The following GPANK1 variants were observed in gnomAD, a reference collection of about 807,000 sequenced individuals.
The protein encoded by GPANK1 is G patch domain and ankyrin repeat-containing protein 1.
Under a neutral mutation model 24.0 loss-of-function variants are expected in GPANK1, and 22 were observed. The ratio of observed to expected loss-of-function variants is 0.92; its 90% CI spans 0.66 to 1.31. The LOEUF is 1.31. GPANK1 is among the 50% of genes most tolerant of loss of function. The probability of loss-of-function intolerance (pLI) is 0.00; values close to 1 mark genes in which losing one functional copy is unlikely to be tolerated. For synonymous variants in GPANK1, 174 were observed against 177.4 expected (o/e 0.98, Z 0.15); for missense variants, 469 against 453.5 (o/e 1.03, Z -0.31).
At chr6:31,665,616 C>T (rs1801571179), upstream of GPANK1, 4 of 1,041,598 alleles carry the variant, frequency 3.8e-6, no homozygotes, top group South Asian at 4.1e-5. Flanking sequence ...ACAGTATGCC[C>T]GTCAAGGGTC....
chr6:31,665,166 C>G (rs897338580), upstream of GPANK1: 1 of 478,766 alleles, frequency 2.1e-6, no homozygotes, highest in East Asian at 3.4e-5. Flanking sequence ...AGTAAACGAG[C>G]AAAGCTCCGC....
Position 31,661,711 on chromosome 6 carries a change from G to GA in GPANK1, c.*554dup, listed in dbSNP as rs1172850377. ...GCGAAACTGCATCTCAAAAAAAAAA[G>GA]AAAAAAATTGATAACATGGCACTTT... On this transcript the variant is annotated 3_prime_UTR_variant, in exon 3 of 3. Coordinates refer to ENST00000375896, the MANE Select transcript of GPANK1 (RefSeq NM_033177.4). The GA allele has an allele frequency of 1.2e-5, 2 of 161,478 alleles. No individual in the cohort carries two copies. Among genetic ancestry groups the GA allele is most frequent in the Non-Finnish European group, 2.7e-5 (2 of 73,948 alleles). 10.0% of individuals were successfully genotyped at this position (161,478 alleles called of 1,614,324 possible).
chr6:31,664,669 C>A, intron 1 of GPANK1, 92 bp from the exon 2 acceptor site: 1 of 585,862 alleles, frequency 1.7e-6, no homozygotes, highest in Non-Finnish European at 3.0e-6. Context: ...GGGAGAGAGA[C>A]TTTGCGTAAA....
chr6:31,663,724 C>T, intron 2 of GPANK1, 129 bp downstream of exon 2: 1 of 1,393,042 alleles, frequency 7.2e-7, no homozygotes, highest in Non-Finnish European at 9.5e-7. Flanking sequence ...CTTGACTATA[C>T]TACCCTGTCA....
Position 31,664,031 on chromosome 6 carries a change from C to A in GPANK1, c.448G>T (p.Ala150Ser). Residue 150 changes from alanine to serine, a missense_variant, in exon 2 of 3, where the codon GCT becomes TCT. Physicochemically the swap from Ala to Ser is moderately conservative, Grantham distance 99. Coordinates refer to ENST00000375896, the MANE Select transcript of GPANK1 (RefSeq NM_033177.4). ...DAFWWTPLMC[A>S]ARAGQGAAVS... ...GCTGCCCCCTGGCCCGCTCGAGCAG[C>A]ACACATCAGTGGGGTCCACCAGAAG... is the stretch of plus-strand genomic sequence containing the variant. 6.2e-7 allele frequency: 1 copy of A among 1,614,222 alleles called. No homozygotes were observed. The highest frequency in any genetic ancestry group is 8.5e-7 in the Non-Finnish European group (1 of 1,180,042).
In GPANK1 at chr6:31,664,076, TC is replaced by T. The variant is rs1489472235; in HGVS notation, c.402del (p.Asn135IlefsTer13). 3.1e-6 allele frequency: 5 copies of T among 1,614,028 alleles called. No individual in the cohort carries two copies. The highest frequency in any genetic ancestry group is 3.4e-6 in the Non-Finnish European group (4 of 1,179,984). On this transcript the variant is annotated frameshift_variant, in exon 2 of 3. Coordinates refer to ENST00000375896, the MANE Select transcript of GPANK1 (RefSeq NM_033177.4). LOFTEE classifies it high-confidence loss of function. ...CAGAAGGCATCCCGGGCGTTGATATTCCCCCCAGCTCCTCCTGCCTCATGCG... is the reference window on the plus strand; with the variant it reads ...CAGAAGGCATCCCGGGCGTTGATATTCCCCCAGCTCCTCCTGCCTCATGCG... ...LEPHEAGGAGGNINARDAFWW... is the reference protein window; with the variant it reads ...LEPHEAGGAGXNINARDAFWW...
rs1419993287 is a variant in GPANK1 at position 31,662,132 on chromosome 6, C to T, written c.*134G>A. 1.1e-5 allele frequency: 6 copies of T among 532,542 alleles called. No homozygotes were observed. Among genetic ancestry groups the T allele is most frequent in the Middle Eastern group, 3.7e-4 (1 of 2,710 alleles). The allele number at this position is 532,542 out of a possible 1,614,324, so 33.0% of individuals were successfully genotyped here. A position where few individuals can be genotyped will look rare whatever the true frequency, so the allele number is the denominator to read the frequency against. On this transcript the variant is annotated 3_prime_UTR_variant, in exon 3 of 3. Coordinates refer to ENST00000375896, the MANE Select transcript of GPANK1 (RefSeq NM_033177.4). The surrounding 1 kb of genome is among the most constrained non-coding windows in gnomAD (Gnocchi z 5.5). ...TTTCTGACTCTCAGCCCGTCTCTCA[C>T]GAAGACAGAGCCTATTGACCAAAAA... is the stretch of plus-strand genomic sequence containing the variant.
upstream of GPANK1, chr6:31,665,088 A>G: frequency 5.7e-6 from 2 of 351,884 alleles, no homozygotes; most frequent in South Asian, 6.7e-5. Context: ...ACCACAACCC[A>G]CATTACTTGA....
rs771150071 is a variant in GPANK1, at chr6:31,664,282, C to G, written c.197G>C (p.Arg66Thr). The G allele has an allele frequency of 1.9e-5, 31 of 1,614,056 alleles. No homozygotes were observed. Among genetic ancestry groups the G allele is most frequent in the Non-Finnish European group, 2.5e-5 (30 of 1,180,020 alleles). Residue 66 changes from arginine to threonine, a missense_variant, in exon 2 of 3, where the codon AGA becomes ACA. Coordinates refer to ENST00000375896, the MANE Select transcript of GPANK1 (RefSeq NM_033177.4). ...TCTTCTTTTCTTTCTCTTTCTTTCT[C>G]TGGCAGGTTCAGTCTGAGATCTCTG... ...DSQRSQTEPA[R>T]ERKRKKRRIM...
chr6:31,665,092 T>A (rs1178515634), upstream of GPANK1: 1 of 360,018 alleles, frequency 2.8e-6, no homozygotes, highest in East Asian at 5.5e-5. Flanking sequence ...CAACCCACAT[T>A]ACTTGAGGGC....
chr6:31,664,067 C>G lies in GPANK1; in HGVS notation c.412G>C (p.Ala138Pro). 1 of 1,614,204 alleles carries G rather than the reference C, an allele frequency of 6.2e-7. No homozygotes were observed. Among genetic ancestry groups the G allele is most frequent in the Non-Finnish European group, 8.5e-7 (1 of 1,180,028 alleles). The part of the protein sequence containing the change: ...EAGGAGGNIN[A>P]RDAFWWTPLM... ...GGGGTCCACCAGAAGGCATCCCGGG[C>G]GTTGATATTCCCCCCAGCTCCTCCT... The change falls in exon 2 of 3, where the codon GCC (alanine) becomes CCC (proline). Residue 138 changes from alanine (A) to proline (P), a missense_variant. Ala to Pro is a conservative substitution (Grantham distance 27). Coordinates refer to ENST00000375896, the MANE Select transcript of GPANK1 (RefSeq NM_033177.4).
At position 31,664,378 on chromosome 6, in the gene GPANK1, G is replaced by A; in HGVS notation, c.101C>T (p.Thr34Ile). 1 of 1,614,196 alleles carries A rather than the reference G, an allele frequency of 6.2e-7. No homozygotes were observed. The highest frequency in any genetic ancestry group is 8.5e-7 in the Non-Finnish European group (1 of 1,180,028). Residue 34 changes from threonine (T) to isoleucine (I), a missense_variant, in exon 2 of 3, where the codon ACC (threonine) becomes ATC (isoleucine). Physicochemically the swap from Thr to Ile is moderately conservative, Grantham distance 89. Transcript: ENST00000375896. ...QQPQPEKPES[T>I]LDGAAARAFY... ...AGCTCGGGCTGCAGCCCCATCCAGGGTGGACTCTGGCTTCTCGGGCTGTGG... is the reference window on the plus strand; with the variant it reads ...AGCTCGGGCTGCAGCCCCATCCAGGATGGACTCTGGCTTCTCGGGCTGTGG...
upstream of GPANK1, chr6:31,665,253 C>T (rs1024976469): frequency 2.4e-5 from 15 of 613,274 alleles, no homozygotes; most frequent in African/African-American, 2.0e-4. Context: ...ATGCCCTTCG[C>T]CTTCCTCAAC....
rs765983651 is a variant in GPANK1, at chr6:31,662,258, T to C, written c.*8A>G. On this transcript the variant is annotated 3_prime_UTR_variant, in exon 3 of 3. Coordinates refer to ENST00000375896, the MANE Select transcript of GPANK1 (RefSeq NM_033177.4). The surrounding 1 kb of genome is among the most constrained non-coding windows in gnomAD (Gnocchi z 5.5). ...TCAGCAGCAGACTAGGGTCAGACTT[T>C]ACCAAAGTCAGAACTCGAGGTTCAT... 8 of 1,525,208 alleles carry C rather than the reference T, an allele frequency of 5.2e-6. No homozygotes were observed. Among genetic ancestry groups the C allele is most frequent in the East Asian group, 2.3e-5 (1 of 43,602 alleles). 94.5% of individuals were successfully genotyped at this position (1,525,208 alleles called of 1,614,324 possible).
chr6:31,661,359 T>G lies in GPANK1; in HGVS notation c.*907A>C, dbSNP rs1305902480. On this transcript the variant is annotated 3_prime_UTR_variant, in exon 3 of 3. Coordinates refer to ENST00000375896, the MANE Select transcript of GPANK1 (RefSeq NM_033177.4). ...CCTCTTCCAGCAAAACCCTACCCAT[T>G]CTCATCTCTAGAGGCCTTGACTTCC... The G allele has an allele frequency of 6.6e-6, 1 of 152,202 alleles. No individual in the cohort carries two copies. Among genetic ancestry groups the G allele is most frequent in the Non-Finnish European group, 1.5e-5 (1 of 68,054 alleles). The allele number at this position is 152,202 out of a possible 1,614,324, so 9.4% of individuals were successfully genotyped here. A position where few individuals can be genotyped will look rare whatever the true frequency, so the allele number is the denominator to read the frequency against.
intron 2 of GPANK1, 116 bp downstream of exon 2, chr6:31,663,737 C>A: frequency 6.9e-7 from 1 of 1,452,654 alleles, no homozygotes. Flanking sequence ...CCCTGTCAAC[C>A]TACACATGAG....
upstream of GPANK1, chr6:31,665,977 T>C (rs2151178926): frequency 9.8e-7 from 1 of 1,016,900 alleles, no homozygotes; most frequent in African/African-American, 1.7e-5. Flanking sequence ...TCGCTTTCTC[T>C]CATTTAGCCA....
Position 31,662,301 on chromosome 6 carries a change from G to A in GPANK1, c.1036C>T (p.Arg346Trp), listed in dbSNP as rs757497428. 4.5e-6 allele frequency: 7 copies of A among 1,570,902 alleles called. No individual in the cohort carries two copies. Among genetic ancestry groups the A allele is most frequent in the Non-Finnish European group, 5.2e-6 (6 of 1,155,904 alleles). Residue 346 changes from arginine (R) to tryptophan (W), a missense_variant, in exon 3 of 3, where the codon CGG becomes TGG. Transcript: ENST00000375896. This position sits in a 1 kb window ranked among gnomAD's most constrained non-coding sequence, Gnocchi z 5.5. Reference sequence around the variant, plus strand: ...AGGTTCATGTAAGTCCTTAGATCCCGCTCCCAAGCCCTGTCTTTCTCCTCC... The same window carrying A: ...AGGTTCATGTAAGTCCTTAGATCCCACTCCCAAGCCCTGTCTTTCTCCTCC... ...RREEKDRAWE[R>W]DLRTYMNLEF is the part of the protein sequence containing the mutation.
At position 31,664,057 on chromosome 6, in the gene GPANK1, G is replaced by C. The variant is rs1363827130; in HGVS notation, c.422C>G (p.Ala141Gly). The C allele has an allele frequency of 8.7e-6, 14 of 1,614,056 alleles. No homozygotes were observed. The highest frequency in any genetic ancestry group is 1.6e-4 in the Middle Eastern group (1 of 6,084). Residue 141 changes from alanine to glycine, a missense_variant, in exon 2 of 3, where the codon GCC becomes GGC. Ala to Gly is a moderately conservative substitution (Grantham distance 60). Transcript: ENST00000375896. ...GAGGNINARD[A>G]FWWTPLMCAA... ...ACACATCAGTGGGGTCCACCAGAAGGCATCCCGGGCGTTGATATTCCCCCC... is the reference window on the plus strand; with the variant it reads ...ACACATCAGTGGGGTCCACCAGAAGCCATCCCGGGCGTTGATATTCCCCCC...
Sources: allele counts gnomAD v4.1 joint callset, GRCh38; gene constraint gnomAD v4.1.1; non-coding constraint Gnocchi (gnomAD v3.1); transcripts MANE v1.5; gene names NCBI Gene and HGNC (gene_info 2026-07-23, HGNC 2026-07-21).